SPATA18: variants seen among roughly 807,000 people sequenced by gnomAD.
SPATA18 encodes mitochondria-eating protein.
Under a neutral mutation model 68.1 loss-of-function variants are expected in SPATA18, and 54 were observed. The ratio of observed to expected loss-of-function variants is 0.79; its 90% CI spans 0.64 to 0.99. The LOEUF (loss-of-function observed/expected upper bound fraction) is 0.99. Among genes scored for constraint, SPATA18 ranks in the 50% least tolerant of loss-of-function variants. The pLI, the probability that SPATA18 is intolerant of heterozygous loss-of-function variation, is 0.00. For missense variants in SPATA18, 724 were observed against 681.1 expected, an observed-to-expected ratio of 1.06 and a Z score of -0.70; for synonymous variants, 242 against 244.8, an observed-to-expected ratio of 0.99 and a Z score of 0.11.
In SPATA18 at chr4:52,080,572, T is replaced by TCAAGCTAGTGGTTAAGAACA. The variant is rs1474064983; in HGVS notation, c.1355+673_1355+692dup. Among the ~76,000 whole-genome samples the TCAAGCTAGTGGTTAAGAACA allele has an allele frequency of 2.0e-5, 3 of 152,162 alleles. No homozygotes were observed. In the East Asian group the frequency reaches 5.8e-4, roughly 29 times the overall value. ...TAGCTGGAGATTATCTGGGAAGAAA[T>TCAAGCTAGTGGTTAAGAACA]CAAGCTAGTGGTTAAGAACACAAGC... is the stretch of plus-strand genomic sequence containing the variant. On this transcript the variant is annotated intron_variant, in intron 9 of 12. Transcript: ENST00000295213.
intron 2 of SPATA18, 108 bp downstream of exon 2, chr4:52,060,632 C>T (rs1738751570): frequency 8.7e-7 from 1 of 1,148,088 alleles, no homozygotes; most frequent in Non-Finnish European, 1.3e-6. Flanking sequence ...CTCTCACTGA[C>T]CTGATGACCT....
chr4:52,070,574 A>T (rs1739737298), intron 5 of SPATA18, among the ~76,000 whole-genome samples: 1 of 151,936 alleles, frequency 6.6e-6, no homozygotes, highest in South Asian at 2.1e-4. Context: ...TAGGAGATAT[A>T]CCTAATGCTA....
intron 6 of SPATA18, among the ~76,000 whole-genome samples, chr4:52,073,537 G>T (rs1740053248): frequency 6.6e-6 from 1 of 152,176 alleles, no homozygotes; most frequent in Non-Finnish European, 1.5e-5. Flanking sequence ...TTGGGAGGTT[G>T]TGGTGGGGAA....
intron 3 of SPATA18, among the ~76,000 whole-genome samples, chr4:52,061,487 A>AAATAAAAATAAT (rs1553944424): frequency 1.4e-5 from 2 of 143,538 alleles, no homozygotes; most frequent in Admixed American, 1.4e-4. Flanking sequence ...CCTAAAGTAA[A>AAATAAAAATAAT]AATAATAATA....
intron 3 of SPATA18, among the ~76,000 whole-genome samples, chr4:52,061,318 TG>T (rs1347092968): frequency 1.3e-5 from 2 of 151,568 alleles, no homozygotes; most frequent in Non-Finnish European, 2.9e-5. Context: ...CAGGGCCTGT[TG>T]GGGGATTGCA....
rs569707935 is a variant in SPATA18, at chr4:52,059,248, A to G, written c.88-1171A>G. 4.6e-5 allele frequency among the ~76,000 whole-genome samples: 7 copies of G among 152,284 alleles called. No homozygotes were observed. The East Asian group carries it at 7.7e-4, about 17-fold the overall frequency. On this transcript the variant is annotated intron_variant, in intron 1 of 12. Transcript: ENST00000295213. ...TTCTCTTACTCCACTCCTAGTTTCT[A>G]TCTGCCTTGTACGCTGTTTTCTGTT...
chr4:52,070,601 G>GT (rs1458264359), intron 5 of SPATA18, among the ~76,000 whole-genome samples: 1 of 151,792 alleles, frequency 6.6e-6, no homozygotes, highest in African/African-American at 2.4e-5. Flanking sequence ...GAGTTAATGG[G>GT]TGCAGCACAC....
At chr4:52,051,831 T>C (rs767202319) in intron 1 of SPATA18, 40 bp downstream of exon 1, 44 of 1,564,892 alleles carry the variant, frequency 2.8e-5, no homozygotes, top group Non-Finnish European at 3.6e-5. Flanking sequence ...CGCCCTCCCA[T>C]AGGTTCCAGC....
At chr4:52,056,503 G>A (rs751082727) in intron 1 of SPATA18, among the ~76,000 whole-genome samples, 2 of 152,154 alleles carry the variant, frequency 1.3e-5, no homozygotes, top group Non-Finnish European at 2.9e-5. Flanking sequence ...TAGGTGATCA[G>A]TAATTATTAG....
At chr4:52,077,412 C>G (rs911374341) in intron 7 of SPATA18, among the ~76,000 whole-genome samples, 2 of 99,784 alleles carry the variant, frequency 2.0e-5, no homozygotes, top group African/African-American at 5.3e-5. Flanking sequence ...CCATTGTTTC[C>G]TTCCTCTCTC....
chr4:52,064,236 A>G (rs1739135814), intron 4 of SPATA18, among the ~76,000 whole-genome samples: 1 of 151,598 alleles, frequency 6.6e-6, no homozygotes, highest in Non-Finnish European at 1.5e-5. Context: ...AGTTGCATAC[A>G]TGAAGATGCT....
intron 4 of SPATA18, among the ~76,000 whole-genome samples, chr4:52,067,352 G>GT (rs1185276425): frequency 2.0e-5 from 3 of 151,892 alleles, no homozygotes; most frequent in Non-Finnish European, 4.4e-5. Context: ...GGGGTTGTTT[G>GT]TTTTTTTCTT....
intron 5 of SPATA18, 125 bp from the exon 6 acceptor site, chr4:52,071,792 T>C: frequency 2.1e-6 from 2 of 941,912 alleles, no homozygotes; most frequent in South Asian, 1.7e-5. Flanking sequence ...CCCAATGCAA[T>C]AATGGCAGGC....
At chr4:52,089,122 G>T (rs1296560680) in intron 11 of SPATA18, among the ~76,000 whole-genome samples, 2 of 151,804 alleles carry the variant, frequency 1.3e-5, no homozygotes, top group African/African-American at 2.4e-5. Flanking sequence ...TGGGATCAGT[G>T]ATGATACCCC....
rs538777270 is a variant in SPATA18 at position 52,055,504 on chromosome 4, A to G, written c.87+3713A>G. Among the ~76,000 whole-genome samples, 6 of 152,006 alleles carry G rather than the reference A, an allele frequency of 3.9e-5. No individual in the cohort carries two copies. The East Asian group carries it at 1.2e-3, about 29-fold the overall frequency. On this transcript the variant is annotated intron_variant, in intron 1 of 12. Coordinates refer to ENST00000295213, the MANE Select transcript of SPATA18 (RefSeq NM_145263.4). ...CACACATAAACCCTTATACTTAAAA[A>G]CTCAAGTTTCATTAATAATTCTTAC...
At chr4:52,092,420 T>C (rs1215687247) in intron 11 of SPATA18, among the ~76,000 whole-genome samples, 1 of 152,198 alleles carries the variant, frequency 6.6e-6, no homozygotes, top group East Asian at 1.9e-4. Context: ...GTGCCAGAGT[T>C]CCTCAGGCTC....
chr4:52,094,696 C>T, intron 12 of SPATA18, 124 bp downstream of exon 12: 3 of 1,282,034 alleles, frequency 2.3e-6, no homozygotes, highest in East Asian at 2.3e-5. Context: ...ACTCCTCACA[C>T]CTTTCATGTC....
intron 4 of SPATA18, among the ~76,000 whole-genome samples, chr4:52,064,244 G>T (rs947049679): frequency 1.3e-5 from 2 of 150,888 alleles, no homozygotes; most frequent in African/African-American, 4.9e-5. Context: ...ACATGAAGAT[G>T]CTTGCTGCTT....
chr4:52,065,223 T>C (rs1235423800), intron 4 of SPATA18, among the ~76,000 whole-genome samples: 4 of 152,234 alleles, frequency 2.6e-5, no homozygotes, highest in Non-Finnish European at 5.9e-5. Flanking sequence ...GTGGGTTGTC[T>C]GTTTACTCCG....
Sources: allele counts gnomAD v4.1 joint callset (sites outside exome capture counted in the v4.1 genomes callset), GRCh38; gene constraint gnomAD v4.1.1; transcripts MANE v1.5; gene names NCBI Gene and HGNC (gene_info 2026-07-23, HGNC 2026-07-21).